Variants in TFB1M observed in about 807,000 individuals in gnomAD.
TFB1M encodes dimethyladenosine transferase 1, mitochondrial.
Under a neutral mutation model 31.1 loss-of-function variants are expected in TFB1M, and 27 were observed. The observed-to-expected ratio is 0.87, with a 90% CI of 0.64 to 1.20. The LOEUF (loss-of-function observed/expected upper bound fraction) is 1.20. Ranked by LOEUF, TFB1M falls within the 50% of genes most tolerant of loss-of-function variation. The pLI is 0.00. For missense variants in TFB1M, 394 were observed against 418.7 expected, an observed-to-expected ratio of 0.94 and a Z score of 0.51; for synonymous variants, 166 against 151.8, an observed-to-expected ratio of 1.09 and a Z score of -0.69.
At chr6:155,248,205 C>T in the TFB1M span, 73 of 1,606,268 alleles carry the variant, frequency 4.5e-5, no homozygotes, top group Middle Eastern at 1.0e-3. Flanking sequence ...CACCTCCGGG[C>T]GAGGGCCTGC....
intron 2 of TFB1M, among the ~76,000 whole-genome samples, chr6:155,307,339 A>T (rs1271626581): frequency 6.6e-6 from 1 of 152,188 alleles, no homozygotes; most frequent in Non-Finnish European, 1.5e-5. Flanking sequence ...GTTTAGACTC[A>T]CAGTTCCACA....
At chr6:155,305,887 A>C (rs2114805861) in intron 2 of TFB1M, among the ~76,000 whole-genome samples, 1 of 149,394 alleles carries the variant, frequency 6.7e-6, no homozygotes, top group Non-Finnish European at 1.5e-5. Flanking sequence ...ATAAACATGA[A>C]ACTTCTGTTC....
chr6:155,260,380 G>A lies in TFB1M; in HGVS notation c.687C>T (p.His229=), dbSNP rs1225732707. The A allele has an allele frequency of 1.2e-6, 2 of 1,614,252 alleles. No individual in the cohort carries two copies. The highest frequency in any genetic ancestry group is 2.2e-5 in the South Asian group (2 of 91,090). Residue 229 remains histidine (H), a synonymous_variant, in exon 6 of 7, where the codon CAC becomes CAT. Coordinates refer to ENST00000367166, the MANE Select transcript of TFB1M (RefSeq NM_016020.4). ...PKPEVDVGVV[H]FTPLIQPKIE... is the part of the protein sequence containing the mutation. ...TCTTGGGCTGTATCAAGGGAGTGAA[G>A]TGCACCACGCCCACGTCCACCTTCG... is the stretch of plus-strand genomic sequence containing the variant.
the TFB1M span, among the ~76,000 whole-genome samples, chr6:155,245,196 GC>G: frequency 6.6e-6 from 1 of 152,210 alleles, no homozygotes; most frequent in African/African-American, 2.4e-5. Flanking sequence ...CTTCTATGAA[GC>G]ACCAGTGCTC....
At chr6:155,263,376 T>C (rs1321770606) in intron 5 of TFB1M, among the ~76,000 whole-genome samples, 3 of 152,224 alleles carry the variant, frequency 2.0e-5, no homozygotes, top group African/African-American at 7.2e-5. Context: ...CGCCAGCCTT[T>C]TCCAAACTCA....
At chr6:155,250,688 C>T in the TFB1M span, 2 of 1,433,938 alleles carry the variant, frequency 1.4e-6, no homozygotes, top group Non-Finnish European at 1.9e-6. Flanking sequence ...TGTGCGTGCA[C>T]TGGAGCAAAA....
At chr6:155,278,851 ATACACAGAAAGCAGTTGG>A (rs1785346133) in intron 5 of TFB1M, among the ~76,000 whole-genome samples, 1 of 152,196 alleles carries the variant, frequency 6.6e-6, no homozygotes, top group African/African-American at 2.4e-5. Flanking sequence ...AAATGAGATG[ATACACAGAAAGCAGTTGG>A]TGCACAGAAA....
At chr6:155,310,507 C>T (rs1777967643) in intron 2 of TFB1M, among the ~76,000 whole-genome samples, 1 of 152,192 alleles carries the variant, frequency 6.6e-6, no homozygotes, top group Non-Finnish European at 1.5e-5. Flanking sequence ...CTATGTACCC[C>T]CAACCTTGGA....
At chr6:155,307,620 T>G (rs1777838535) in intron 2 of TFB1M, among the ~76,000 whole-genome samples, 2 of 152,134 alleles carry the variant, frequency 1.3e-5, no homozygotes, top group South Asian at 4.1e-4. Context: ...AGCCAAACCA[T>G]ATCACAAAGT....
downstream of TFB1M, chr6:155,254,784 C>A: frequency 3.6e-6 from 2 of 557,826 alleles, no homozygotes; most frequent in Non-Finnish European, 6.3e-6. Flanking sequence ...TGTCTTCCTA[C>A]CCGCTGACAT....
At chr6:155,258,150 T>G in intron 6 of TFB1M, 68 bp from the exon 7 acceptor site, 1 of 1,576,020 alleles carries the variant, frequency 6.3e-7, no homozygotes, top group Admixed American at 1.7e-5. Context: ...TGACACTTTT[T>G]AACCCTCATT....
chr6:155,311,201 A>T lies in TFB1M; in HGVS notation c.272T>A (p.Ile91Asn). Residue 91 changes from isoleucine to asparagine, a missense_variant, in exon 2 of 7, where the codon ATT becomes AAT. By Grantham distance (149) the Ile-to-Asn change is moderately radical. Coordinates refer to ENST00000367166, the MANE Select transcript of TFB1M (RefSeq NM_016020.4). ...LLVVEKDTRF[I>N]PGLQMLSDAA... ...TAAGCATCTCACCTGTAATCCAGGAATAAATCGAGTGTCCTTTTCAACCAC... is the reference window on the plus strand; with the variant it reads ...TAAGCATCTCACCTGTAATCCAGGATTAAATCGAGTGTCCTTTTCAACCAC... 1 of 1,614,140 alleles carries T rather than the reference A, an allele frequency of 6.2e-7. No homozygotes were observed. The highest frequency in any genetic ancestry group is 8.5e-7 in the Non-Finnish European group (1 of 1,179,972).
chr6:155,273,099 C>A (rs1326481966), intron 5 of TFB1M, among the ~76,000 whole-genome samples: 1 of 152,202 alleles, frequency 6.6e-6, no homozygotes. Context: ...AGCAAGCTGG[C>A]TGGAGTCCGA....
chr6:155,301,095 A>G (rs995134959), intron 2 of TFB1M, among the ~76,000 whole-genome samples: 1 of 152,192 alleles, frequency 6.6e-6, no homozygotes, highest in Non-Finnish European at 1.5e-5. Flanking sequence ...GTGAGCCACC[A>G]TACCCAGCTC....
chr6:155,257,293 A>T lies in TFB1M; in HGVS notation c.*543T>A. ...TTTAAGTTATTTTAATTTATTGTGG[A>T]TCAGAAACCTAGATGAAACTGGTCA... On this transcript the variant is annotated 3_prime_UTR_variant, in exon 7 of 7. Coordinates refer to ENST00000367166, the MANE Select transcript of TFB1M (RefSeq NM_016020.4). 1 of 741,852 alleles carries T rather than the reference A, an allele frequency of 1.3e-6. No homozygotes were observed. Among genetic ancestry groups the T allele is most frequent in the Non-Finnish European group, 2.1e-6 (1 of 473,540 alleles). The allele number at this position is 741,852 out of a possible 1,614,324, so 46.0% of individuals were successfully genotyped here.
downstream of TFB1M, chr6:155,253,075 A>G (rs547539324): frequency 1.9e-6 from 3 of 1,592,840 alleles, no homozygotes; most frequent in Non-Finnish European, 2.6e-6. Context: ...GTGCAGTATG[A>G]TGCCAGAAAA....
At chr6:155,237,212 G>A in the TFB1M span, among the ~76,000 whole-genome samples, 1 of 152,242 alleles carries the variant, frequency 6.6e-6, no homozygotes, top group Non-Finnish European at 1.5e-5. Flanking sequence ...AAATCCAGCA[G>A]GACAGTGAAA....
the TFB1M span, chr6:155,250,038 T>A: frequency 8.4e-7 from 1 of 1,196,944 alleles, no homozygotes; most frequent in Non-Finnish European, 1.2e-6. Context: ...ACCTTCTAGA[T>A]AGGCTGCCCT....
At chr6:155,252,007 A>T (rs1404685730), downstream of TFB1M, 1 of 1,602,182 alleles carries the variant, frequency 6.2e-7, no homozygotes, top group Non-Finnish European at 8.5e-7. Context: ...GAAATTGGTA[A>T]GGCAAAAATT....
Sources: gnomAD v4.1 joint callset for allele counts (sites outside exome capture counted in the v4.1 genomes callset) on GRCh38, gnomAD v4.1.1 for gene constraint, MANE v1.5 for transcripts, NCBI Gene and HGNC (gene_info 2026-07-23, HGNC 2026-07-21) for gene names.